Variants in PIK3AP1 observed in about 807,000 individuals in gnomAD.
PIK3AP1 encodes phosphoinositide-3-kinase adaptor protein 1.
Under a neutral mutation model 88.1 loss-of-function variants are expected in PIK3AP1, and 21 were observed. The ratio of observed to expected loss-of-function variants is 0.24; its 90% CI spans 0.17 to 0.34. The LOEUF is 0.34. PIK3AP1 is among the 10% of genes least tolerant of loss of function. The pLI, the probability that PIK3AP1 is intolerant of heterozygous loss-of-function variation, is 1.00. For missense variants in PIK3AP1, 828 were observed against 1,035.7 expected (o/e 0.80, Z 2.75); for synonymous variants, 398 against 400.0 (o/e 1.00, Z 0.06).
At chr10:96,658,249 C>T (rs1264089812) in intron 2 of PIK3AP1, among the ~76,000 whole-genome samples, 2 of 152,098 alleles carry the variant, frequency 1.3e-5, no homozygotes, top group African/African-American at 4.8e-5. Flanking sequence ...TCTAAAAGGA[C>T]AGGAGAGGTG....
At chr10:96,612,837 C>T (rs1473164942) in intron 13 of PIK3AP1, among the ~76,000 whole-genome samples, 2 of 151,476 alleles carry the variant, frequency 1.3e-5, no homozygotes, top group Admixed American at 6.6e-5. Context: ...TCACCTCCCA[C>T]ACCAGCTATT....
intron 13 of PIK3AP1, among the ~76,000 whole-genome samples, chr10:96,612,386 T>G (rs1849128892): frequency 6.6e-6 from 1 of 152,208 alleles, no homozygotes; most frequent in Non-Finnish European, 1.5e-5. Context: ...TTTAATTCTC[T>G]TTGGCATTCT....
intron 3 of PIK3AP1, among the ~76,000 whole-genome samples, chr10:96,654,235 G>GGACT (rs59083055): frequency 0.17 from 26,023 of 151,908 alleles, 2,407 homozygotes; most frequent in Middle Eastern, 0.24. Flanking sequence ...CCTGCCAAAT[G>GGACT]GACTGACTCT....
chr10:96,658,673 A>G lies in PIK3AP1; in HGVS notation c.431-1739T>C, dbSNP rs148527365. Among the ~76,000 whole-genome samples, 414 of 152,202 alleles carry G rather than the reference A, an allele frequency of 2.7e-3. 1 individual carries two copies. Among genetic ancestry groups the G allele is most frequent in the African/African-American group, 9.6e-3 (397 of 41,502 alleles). The stretch of plus-strand genomic sequence containing the variant: ...TGAATGTCTATGGGCTGCCCTAGAG[A>G]GCAACAGGCAATGAGGCATGTACTC... On this transcript the variant is annotated intron_variant, in intron 2 of 16. Coordinates refer to ENST00000339364, the MANE Select transcript of PIK3AP1 (RefSeq NM_152309.3).
rs1844550536 is a variant in PIK3AP1 at position 96,720,014 on chromosome 10, T to C, written c.13+368A>G. ...AGCCCAGGAGACGCGTTTGGCCCTG[T>C]AGACCATCCACATCGCCCGCCCTCC... On this transcript the variant is annotated intron_variant, in intron 1 of 16. Transcript: ENST00000339364. The surrounding 1 kb of genome is among the most constrained non-coding windows in gnomAD (Gnocchi z 4.6). 6.6e-6 allele frequency among the ~76,000 whole-genome samples: 1 copy of C among 152,140 alleles called. No homozygotes were observed. The highest frequency in any genetic ancestry group is 2.4e-5 in the African/African-American group (1 of 41,432).
intron 16 of PIK3AP1, among the ~76,000 whole-genome samples, chr10:96,597,368 CTCTCTCTCTT>C (rs1848789115): frequency 1.0e-5 from 1 of 100,400 alleles, no homozygotes; most frequent in African/African-American, 4.0e-5. Flanking sequence ...CTCTCTCTCT[CTCTCTCTCTT>C]TCTTTCTTTC....
chr10:96,663,146 G>A (rs923365262), intron 2 of PIK3AP1, among the ~76,000 whole-genome samples: 1 of 152,054 alleles, frequency 6.6e-6, no homozygotes, highest in African/African-American at 2.4e-5. Flanking sequence ...AGATTGGCAG[G>A]ATTGTGGGAC....
At chr10:96,595,784 C>T in intron 16 of PIK3AP1, 150 bp from the exon 17 acceptor site, 1 of 753,428 alleles carries the variant, frequency 1.3e-6, no homozygotes, top group Non-Finnish European at 2.2e-6. Context: ...GAGTGACACG[C>T]ATGCTAGCTG....
rs1399163255 is a variant in PIK3AP1 at position 96,645,550 on chromosome 10, C to G, written c.1298G>C (p.Cys433Ser). 6.2e-7 allele frequency: 1 copy of G among 1,613,958 alleles called. No homozygotes were observed. Among genetic ancestry groups the G allele is most frequent in the South Asian group, 1.1e-5 (1 of 91,056 alleles). Reference sequence around the variant, plus strand: ...CTCGTCACAGCCGGGGTTGAGCGAGCATTTCATAAGCAGGTCTGTGGAAAG... The same window carrying G: ...CTCGTCACAGCCGGGGTTGAGCGAGGATTTCATAAGCAGGTCTGTGGAAAG... Reference protein sequence around the residue: ...AHLSTDLLMKCSLNPGCDEDL... With the variant: ...AHLSTDLLMKSSLNPGCDEDL... The change falls in exon 8 of 17, where the codon TGC becomes TCC. Residue 433 changes from cysteine to serine, a missense_variant. Physicochemically the swap from Cys to Ser is moderately radical, Grantham distance 112. This residue lies in a region of PIK3AP1 where 610 missense variants were observed against 760.1 expected (regional missense o/e 0.80). Transcript: ENST00000339364.
At chr10:96,664,842 A>G (rs1289218689) in intron 2 of PIK3AP1, among the ~76,000 whole-genome samples, 1 of 150,206 alleles carries the variant, frequency 6.7e-6, no homozygotes, top group African/African-American at 2.5e-5. Flanking sequence ...TCCACAATGC[A>G]CTACGGAGAA....
At position 96,657,131 on chromosome 10, in the gene PIK3AP1, G is replaced by A. The variant is rs116099166; in HGVS notation, c.431-197C>T. On this transcript the variant is annotated intron_variant, in intron 2 of 16. Transcript: ENST00000339364. ...AAGCCAAACAGCATGTAGGCCACAG[G>A]GCAGAATGACAGCAAGAGGGATGAC... Among the ~76,000 whole-genome samples the A allele has an allele frequency of 5.3e-3, 814 of 152,204 alleles. 7 individuals are homozygous for A. The highest frequency in any genetic ancestry group is 0.018 in the African/African-American group (746 of 41,528).
intron 2 of PIK3AP1, among the ~76,000 whole-genome samples, chr10:96,705,280 AG>A (rs1375938391): frequency 6.6e-6 from 1 of 152,152 alleles, no homozygotes; most frequent in Non-Finnish European, 1.5e-5. Flanking sequence ...CCTGGTGAAA[AG>A]GGGAACTTCT....
In PIK3AP1 at chr10:96,658,739, T is replaced by C. The variant is rs145424672; in HGVS notation, c.431-1805A>G. On this transcript the variant is annotated intron_variant, in intron 2 of 16. Transcript: ENST00000339364. ...CTCCATGATTTTTCCCAAGACATGC[T>C]ACTCCAGAATGCCTGTTTGAATGCT... Among the ~76,000 whole-genome samples, 1,047 of 152,264 alleles carry C rather than the reference T, an allele frequency of 6.9e-3. 9 individuals are homozygous for C. The highest frequency in any genetic ancestry group is 0.017 in the African/African-American group (699 of 41,536).
At chr10:96,704,574 C>T (rs1346249051) in intron 2 of PIK3AP1, among the ~76,000 whole-genome samples, 1 of 151,932 alleles carries the variant, frequency 6.6e-6, no homozygotes, top group East Asian at 1.9e-4. Flanking sequence ...AAAAATCAGC[C>T]AGGCATGGTG....
At position 96,626,850 on chromosome 10, in the gene PIK3AP1, T is replaced by C. The variant is rs1218886811; in HGVS notation, c.1527A>G (p.Glu509=). 1 of 1,614,220 alleles carries C rather than the reference T, an allele frequency of 6.2e-7. No individual in the cohort carries two copies. Residue 509 remains glutamate, a synonymous_variant, in exon 10 of 17, where the codon GAA becomes GAG. Coordinates refer to ENST00000339364, the MANE Select transcript of PIK3AP1 (RefSeq NM_152309.3). The stretch of plus-strand genomic sequence containing the variant: ...CATCCACCGTGTGATAAACATCTTC[T>C]TCCTGACCAAGATGGCACTGATCTC... ...LERDQCHLGQ[E]EDVYHTVDDD... is the part of the protein sequence containing the mutation.
At chr10:96,629,249 T>C (rs1589499504) in intron 8 of PIK3AP1, among the ~76,000 whole-genome samples, 1 of 152,028 alleles carries the variant, frequency 6.6e-6, no homozygotes, top group Non-Finnish European at 1.5e-5. Context: ...TACAAAAATA[T>C]AGTACAAATT....
intron 16 of PIK3AP1, among the ~76,000 whole-genome samples, chr10:96,598,044 G>GGT: frequency 8.6e-6 from 1 of 115,922 alleles, no homozygotes; most frequent in African/African-American, 3.1e-5. Context: ...TTTTTTTGTT[G>GGT]TTTTTTTTTT....
intron 10 of PIK3AP1, among the ~76,000 whole-genome samples, chr10:96,625,182 C>T (rs577074658): frequency 2.0e-5 from 3 of 152,276 alleles, no homozygotes; most frequent in Admixed American, 6.5e-5. Context: ...GGGCACTCAT[C>T]CATACCTCCT....
At chr10:96,662,888 CAAAAAAAAAAAAAAA>C (rs749898725) in intron 2 of PIK3AP1, among the ~76,000 whole-genome samples, 3,397 of 22,720 alleles carry the variant, frequency 0.15, 137 homozygotes, top group South Asian at 0.46. Flanking sequence ...GACTCCGTCT[CAAAAAAAAAAAAAAA>C]AAAAAAAAAA....
Sources: allele counts gnomAD v4.1 joint callset (sites outside exome capture counted in the v4.1 genomes callset), GRCh38; gene constraint gnomAD v4.1.1; regional missense constraint gnomAD v4.1.1; non-coding constraint Gnocchi (gnomAD v3.1); transcripts MANE v1.5; gene names NCBI Gene and HGNC (gene_info 2026-07-23, HGNC 2026-07-21).